SAMSN1: variants seen among roughly 807,000 people sequenced by gnomAD.
The protein encoded by SAMSN1 is SAM domain, SH3 domain and nuclear localization signals 1, also known as SAM domain-containing protein SAMSN-1.
SAMSN1 carries 31 observed loss-of-function variants against 42.0 expected under a neutral mutation model. The observed-to-expected ratio is 0.74, with a 90% CI of 0.55 to 1.00. The LOEUF (loss-of-function observed/expected upper bound fraction) is 1.00, where lower values mean the gene tolerates loss of function less well. Among genes scored for constraint, SAMSN1 ranks in the 50% least tolerant of loss-of-function variants. SAMSN1 has a pLI of 0.00. For synonymous variants in SAMSN1, 178 were observed against 151.9 expected (o/e 1.17, Z -1.26); for missense variants, 464 against 439.4 (o/e 1.06, Z -0.50).
intron 1 of SAMSN1, among the ~76,000 whole-genome samples, chr21:14,656,450 T>C (rs896237877): frequency 6.6e-6 from 1 of 151,850 alleles, no homozygotes; most frequent in Non-Finnish European, 1.5e-5. Context: ...GTAATTGATT[T>C]GTAACCTCAT....
At position 14,486,071 on chromosome 21, in the gene SAMSN1, G is replaced by A. The variant is rs368631308; in HGVS notation, c.963C>T (p.Ser321=). 1.9e-6 allele frequency: 3 copies of A among 1,613,524 alleles called. No homozygotes were observed. In the African/African-American group the frequency reaches 4.0e-5, roughly 22 times the overall value. ...GTGACTTATTTAAGGAGATGTCTGA[G>A]CTCAAGGATAGGGGCTCAGGTTCAT... ...QENEPEPLSL[S]SDISLNKSQL... is the part of the protein sequence containing the mutation. The change falls in exon 8 of 8, where the codon AGC becomes AGT. Residue 321 remains serine (S), a synonymous_variant. Transcript: ENST00000400566.
intron 1 of SAMSN1, among the ~76,000 whole-genome samples, chr21:14,537,491 C>T (rs564656064): frequency 3.3e-5 from 5 of 151,962 alleles, no homozygotes; most frequent in Admixed American, 6.6e-5. Flanking sequence ...ACCTTGGTAT[C>T]GCCAGTGTAT....
chr21:14,583,569 T>C (rs1043209557), upstream of SAMSN1: 4 of 658,450 alleles, frequency 6.1e-6, no homozygotes, highest in Admixed American at 2.6e-5. Flanking sequence ...CTTAAGACTT[T>C]ATCAAAATGG....
chr21:14,519,222 G>A (rs934353863), intron 2 of SAMSN1, among the ~76,000 whole-genome samples: 1 of 152,252 alleles, frequency 6.6e-6, no homozygotes, highest in African/African-American at 2.4e-5. Context: ...GTGTCTAAGG[G>A]AAAACCTGTC....
chr21:14,577,726 C>T (rs1404986397), intron 2 of SAMSN1, among the ~76,000 whole-genome samples: 1 of 152,176 alleles, frequency 6.6e-6, no homozygotes, highest in Non-Finnish European at 1.5e-5. Context: ...TATTCCCTTT[C>T]TTAAGATGCA....
intron 2 of SAMSN1, among the ~76,000 whole-genome samples, chr21:14,577,520 C>G (rs1981546537): frequency 6.6e-6 from 1 of 151,752 alleles, no homozygotes; most frequent in Admixed American, 6.6e-5. Context: ...GAAAGGAAGA[C>G]TTTGTCTCCT....
At chr21:14,595,553 A>G (rs1362561959) in intron 6 of SAMSN1, among the ~76,000 whole-genome samples, 1 of 152,222 alleles carries the variant, frequency 6.6e-6, no homozygotes, top group Non-Finnish European at 1.5e-5. Context: ...AGACAGGGAA[A>G]TATGAATATT....
intron 1 of SAMSN1, chr21:14,582,517 T>TA (rs1463928559): frequency 1.2e-6 from 1 of 806,538 alleles, no homozygotes; most frequent in Admixed American, 2.7e-5. Flanking sequence ...GGTTAAAAAC[T>TA]ATGATTATAA....
At chr21:14,597,012 T>C (rs1982286498) in intron 6 of SAMSN1, among the ~76,000 whole-genome samples, 1 of 152,188 alleles carries the variant, frequency 6.6e-6, no homozygotes, top group African/African-American at 2.4e-5. Context: ...AGAAAGTACT[T>C]GAAATAAGAA....
intron 7 of SAMSN1, among the ~76,000 whole-genome samples, chr21:14,489,533 T>C (rs991713860): frequency 6.6e-6 from 1 of 152,154 alleles, no homozygotes; most frequent in Non-Finnish European, 1.5e-5. Flanking sequence ...TTTGTAAATA[T>C]CTTAAAGGAC....
At chr21:14,592,965 C>T (rs909251933) in intron 7 of SAMSN1, among the ~76,000 whole-genome samples, 1 of 152,090 alleles carries the variant, frequency 6.6e-6, no homozygotes, top group African/African-American at 2.4e-5. Context: ...TCATTAAAAA[C>T]TCAGATAGCA....
At chr21:14,637,720 A>T (rs552759470) in intron 2 of SAMSN1, among the ~76,000 whole-genome samples, 1 of 152,212 alleles carries the variant, frequency 6.6e-6, no homozygotes, top group South Asian at 2.1e-4. Context: ...TAACTGAAAA[A>T]AAAAAGGTCT....
intron 2 of SAMSN1, among the ~76,000 whole-genome samples, chr21:14,568,701 T>C (rs375666256): frequency 6.6e-6 from 1 of 152,210 alleles, no homozygotes; most frequent in African/African-American, 2.4e-5. Flanking sequence ...GAAGTTTCCC[T>C]CCCAAGGGAA....
chr21:14,498,306 T>C lies in SAMSN1; in HGVS notation c.919+136A>G, dbSNP rs143528057. On this transcript the variant is annotated intron_variant, in intron 7 of 7. Coordinates refer to ENST00000400566, the MANE Select transcript of SAMSN1 (RefSeq NM_022136.5). The stretch of plus-strand genomic sequence containing the variant: ...ACCAGAGTTATTGTTTTCAAACTTA[T>C]ATGAAAATACCTATTTTATGGGAAA... The C allele has an allele frequency of 5.4e-4, 386 of 709,962 alleles. 1 individual carries two copies. The highest frequency in any genetic ancestry group is 2.6e-3 in the African/African-American group (142 of 53,646). 44.0% of individuals were successfully genotyped at this position (709,962 alleles called of 1,614,324 possible).
chr21:14,488,745 G>A (rs1986549360), intron 7 of SAMSN1, among the ~76,000 whole-genome samples: 2 of 151,964 alleles, frequency 1.3e-5, no homozygotes, highest in Non-Finnish European at 2.9e-5. Context: ...TAGTTTCTGA[G>A]TATGAAAGTT....
At chr21:14,641,512 A>G (rs1010411979) in intron 2 of SAMSN1, among the ~76,000 whole-genome samples, 1 of 152,140 alleles carries the variant, frequency 6.6e-6, no homozygotes, top group Non-Finnish European at 1.5e-5. Context: ...CCTCTCTTTG[A>G]GTGGGCAAGT....
chr21:14,613,092 T>C (rs976672341), intron 3 of SAMSN1, among the ~76,000 whole-genome samples: 2 of 152,154 alleles, frequency 1.3e-5, no homozygotes, highest in African/African-American at 2.4e-5. Context: ...TAAATACAAG[T>C]ACAATTTGGG....
At chr21:14,636,257 T>C (rs145126530) in intron 2 of SAMSN1, among the ~76,000 whole-genome samples, 1 of 152,188 alleles carries the variant, frequency 6.6e-6, no homozygotes, top group Admixed American at 6.5e-5. Flanking sequence ...GCACATGTAT[T>C]ATAAGGTTGG....
At chr21:14,610,662 C>T (rs1336407998) in intron 4 of SAMSN1, among the ~76,000 whole-genome samples, 1 of 152,270 alleles carries the variant, frequency 6.6e-6, no homozygotes, top group Admixed American at 6.5e-5. Context: ...AAATTTCTCT[C>T]TTGTGTACTC....
Sources: gnomAD v4.1 joint callset for allele counts (sites outside exome capture counted in the v4.1 genomes callset) on GRCh38, gnomAD v4.1.1 for gene constraint, MANE v1.5 for transcripts, NCBI Gene and HGNC (gene_info 2026-07-23, HGNC 2026-07-21) for gene names.